RBM6: variants seen among roughly 807,000 people sequenced by gnomAD.
The protein encoded by RBM6 is RNA-binding protein 6.
Under a neutral mutation model 140.4 loss-of-function variants are expected in RBM6, and 23 were observed. The observed-to-expected ratio is 0.16, with a 90% CI of 0.12 to 0.23. The LOEUF (loss-of-function observed/expected upper bound fraction) is 0.23, where lower values mean the gene tolerates loss of function less well. Ranked by LOEUF, RBM6 falls within the 10% of genes least tolerant of loss-of-function variation. The pLI is 1.00. For missense variants in RBM6, 1,139 were observed against 1,386.7 expected, an observed-to-expected ratio of 0.82 and a Z score of 2.84; for synonymous variants, 439 against 475.6, an observed-to-expected ratio of 0.92 and a Z score of 1.00.
rs1559650211 is a variant in RBM6 at position 50,065,100 on chromosome 3, G to A, written c.2656G>A (p.Val886Met). The change falls in exon 16 of 21, where the codon GTG (valine) becomes ATG (methionine). Residue 886 changes from valine (V) to methionine (M), a missense_variant. Val to Met is a conservative substitution (Grantham distance 21, BLOSUM62 1). Transcript: ENST00000266022. ...CTTTAAGAAGCCCCTGCCTCCTACT[G>A]TGAAGAAGGAAGAGAGTCCCCCTCC... ...DVFKKPLPPT[V>M]KKEESPPPPK... The A allele has an allele frequency of 1.2e-6, 2 of 1,613,038 alleles. No individual in the cohort carries two copies. The highest frequency in any genetic ancestry group is 1.1e-5 in the South Asian group (1 of 91,030).
chr3:50,000,837 A>G (rs1336795241), intron 6 of RBM6, among the ~76,000 whole-genome samples: 1 of 152,174 alleles, frequency 6.6e-6, no homozygotes. Context: ...GGCTCATTAT[A>G]CGTACTTTTC....
intron 6 of RBM6, among the ~76,000 whole-genome samples, chr3:50,005,114 G>T (rs144512585): frequency 1.3e-5 from 2 of 152,164 alleles, no homozygotes; most frequent in Admixed American, 6.6e-5. Context: ...AATTAAGAGA[G>T]TTTGGGTTAT....
intron 6 of RBM6, among the ~76,000 whole-genome samples, chr3:50,001,447 C>T (rs1474357800): frequency 2.0e-5 from 3 of 151,844 alleles, no homozygotes; most frequent in Admixed American, 6.6e-5. Context: ...AGTGAGACCC[C>T]GTCTCAAAAA....
chr3:49,944,240 A>G (rs1275687271), intron 1 of RBM6, among the ~76,000 whole-genome samples: 1 of 152,144 alleles, frequency 6.6e-6, no homozygotes, highest in Non-Finnish European at 1.5e-5. Flanking sequence ...AAGTGGAATC[A>G]TATAATATTT....
At chr3:49,975,946 G>A (rs1049587515) in intron 5 of RBM6, among the ~76,000 whole-genome samples, 2 of 152,120 alleles carry the variant, frequency 1.3e-5, no homozygotes, top group African/African-American at 2.4e-5. Context: ...AAACTTTTCA[G>A]AATATCCTCC....
At chr3:49,982,273 T>C (rs1185853906) in intron 5 of RBM6, among the ~76,000 whole-genome samples, 15 of 144,318 alleles carry the variant, frequency 1.0e-4, no homozygotes, top group African/African-American at 2.8e-4. Flanking sequence ...TTTTTTTTTT[T>C]TTTTTTTTTT....
intron 5 of RBM6, among the ~76,000 whole-genome samples, chr3:49,996,747 G>A (rs1252709892): frequency 6.6e-6 from 1 of 152,172 alleles, no homozygotes; most frequent in Non-Finnish European, 1.5e-5. Flanking sequence ...CAGGGGCATA[G>A]ATGTATGTTT....
intron 2 of RBM6, among the ~76,000 whole-genome samples, chr3:49,965,465 C>CA (rs2084465109): frequency 6.6e-6 from 1 of 151,674 alleles, no homozygotes; most frequent in Non-Finnish European, 1.5e-5. Flanking sequence ...GTCAGGAGAT[C>CA]AAGACCATCC....
In RBM6 at chr3:50,077,138, G is replaced by A; in HGVS notation, c.*5G>A. On this transcript the variant is annotated 3_prime_UTR_variant, in exon 21 of 21. Transcript: ENST00000266022. ...CGATATAAAGAACTCGATTAAGAAA[G>A]GAGACAAGTTCCATGGGATACAACC... The A allele has an allele frequency of 6.2e-7, 1 of 1,607,962 alleles. No homozygotes were observed. Among genetic ancestry groups the A allele is most frequent in the South Asian group, 1.1e-5 (1 of 90,150 alleles).
intron 6 of RBM6, among the ~76,000 whole-genome samples, chr3:50,007,168 C>T (rs1331430254): frequency 6.6e-6 from 1 of 150,690 alleles, no homozygotes; most frequent in Non-Finnish European, 1.5e-5. Context: ...CAGGGGACTC[C>T]TTCCAGCTTC....
intron 6 of RBM6, among the ~76,000 whole-genome samples, chr3:50,038,856 A>T (rs2088701168): frequency 6.6e-6 from 1 of 152,056 alleles, no homozygotes; most frequent in Non-Finnish European, 1.5e-5. Flanking sequence ...AAAAGAAGAA[A>T]AGAAATGATG....
intron 1 of RBM6, among the ~76,000 whole-genome samples, chr3:49,961,297 C>T (rs546953018): frequency 6.6e-6 from 1 of 152,034 alleles, no homozygotes; most frequent in South Asian, 2.1e-4. Context: ...AGGCTGGTCT[C>T]GAACTCCTGA....
At chr3:49,946,192 A>G (rs2083477526) in intron 1 of RBM6, among the ~76,000 whole-genome samples, 1 of 151,592 alleles carries the variant, frequency 6.6e-6, no homozygotes. Flanking sequence ...TATAGGTTTC[A>G]ATTCAGTTTC....
At chr3:49,954,739 T>A (rs941025434) in intron 1 of RBM6, among the ~76,000 whole-genome samples, 1 of 152,066 alleles carries the variant, frequency 6.6e-6, no homozygotes, top group African/African-American at 2.4e-5. Context: ...TGCACAGATA[T>A]CAGGTTACAA....
At chr3:50,034,176 G>C (rs2088365298) in intron 6 of RBM6, among the ~76,000 whole-genome samples, 1 of 147,796 alleles carries the variant, frequency 6.8e-6, no homozygotes, top group African/African-American at 2.5e-5. Context: ...TAGAGACAAG[G>C]TTTCATCATG....
chr3:50,017,442 C>T (rs546684958), intron 6 of RBM6, among the ~76,000 whole-genome samples: 3 of 151,650 alleles, frequency 2.0e-5, no homozygotes, highest in Non-Finnish European at 4.4e-5. Flanking sequence ...CCTGAAGTCC[C>T]AGCTATGTGG....
At chr3:50,038,828 G>A (rs189672447) in intron 6 of RBM6, among the ~76,000 whole-genome samples, 268 of 152,098 alleles carry the variant, frequency 1.8e-3, no homozygotes, top group African/African-American at 3.2e-3. Context: ...GCAAGACTCC[G>A]TCCCCAAAAA....
At chr3:49,955,518 C>T (rs1455296972) in intron 1 of RBM6, among the ~76,000 whole-genome samples, 1 of 151,978 alleles carries the variant, frequency 6.6e-6, no homozygotes, top group African/African-American at 2.4e-5. Context: ...CTGCCTTAGA[C>T]TCCCGAGTAG....
chr3:49,996,937 T>G (rs1288583487), intron 5 of RBM6, among the ~76,000 whole-genome samples: 1 of 152,194 alleles, frequency 6.6e-6, no homozygotes, highest in South Asian at 2.1e-4. Context: ...GTTACTTTGA[T>G]CAGTTTACCT....
Sources: gnomAD v4.1 joint callset for allele counts (sites outside exome capture counted in the v4.1 genomes callset) on GRCh38, gnomAD v4.1.1 for gene constraint, MANE v1.5 for transcripts, NCBI Gene and HGNC (gene_info 2026-07-23, HGNC 2026-07-21) for gene names.